Variants in LRP1B observed in about 807,000 individuals in gnomAD.
LRP1B encodes LDL receptor related protein 1B.
LRP1B carries 217 observed loss-of-function variants against 556.6 expected under a neutral mutation model. The ratio of observed to expected loss-of-function variants is 0.39; its 90% confidence interval spans 0.35 to 0.44. LRP1B has a LOEUF of 0.44. Ranked by LOEUF, LRP1B falls within the 20% of genes least tolerant of loss-of-function variation. The pLI is 1.00. For synonymous variants in LRP1B, 2,047 were observed against 1,865.8 expected, an observed-to-expected ratio of 1.10 and a Z score of -2.50; for missense variants, 5,053 against 5,620.8, an observed-to-expected ratio of 0.90 and a Z score of 3.23.
intron 2 of LRP1B, among the ~76,000 whole-genome samples, chr2:141,695,910 A>T (rs1341242427): frequency 6.6e-6 from 1 of 152,006 alleles, no homozygotes; most frequent in Non-Finnish European, 1.5e-5. Flanking sequence ...TTTATGGATG[A>T]AAATTCTGTT....
intron 2 of LRP1B, among the ~76,000 whole-genome samples, chr2:141,543,498 G>T (rs1243751572): frequency 8.4e-6 from 1 of 119,358 alleles, no homozygotes; most frequent in African/African-American, 3.3e-5. Flanking sequence ...TCCAGCCTGG[G>T]TAAGAAAGCG....
chr2:142,084,868 T>A (rs1420390539), intron 1 of LRP1B, among the ~76,000 whole-genome samples: 1 of 147,700 alleles, frequency 6.8e-6, no homozygotes, highest in African/African-American at 2.5e-5. Flanking sequence ...TACACTGACA[T>A]TAATATATTT....
At chr2:141,667,831 C>T (rs62166532) in intron 2 of LRP1B, among the ~76,000 whole-genome samples, 1 of 152,096 alleles carries the variant, frequency 6.6e-6, no homozygotes, top group Non-Finnish European at 1.5e-5. Flanking sequence ...AGTACCTGCA[C>T]ATGGGAGGCA....
At chr2:140,438,379 T>C (rs72897827) in intron 66 of LRP1B, among the ~76,000 whole-genome samples, 24,064 of 152,160 alleles carry the variant, frequency 0.16, 2,306 homozygotes, top group Non-Finnish European at 0.22. Flanking sequence ...AGAATACTTA[T>C]AGCTTATAGC....
chr2:141,712,212 A>G (rs16846935), intron 2 of LRP1B, among the ~76,000 whole-genome samples: 15,234 of 148,890 alleles, frequency 0.1, 1,492 homozygotes, highest in African/African-American at 0.25. Context: ...ATTGGAACTC[A>G]GAAAATTTGT....
chr2:141,551,406 A>G (rs538945764), intron 2 of LRP1B, among the ~76,000 whole-genome samples: 1 of 152,188 alleles, frequency 6.6e-6, no homozygotes, highest in Non-Finnish European at 1.5e-5. Context: ...AACTAGATTT[A>G]GCTCTTGATT....
chr2:141,976,634 G>A (rs781135519), intron 1 of LRP1B, among the ~76,000 whole-genome samples: 4 of 152,096 alleles, frequency 2.6e-5, no homozygotes, highest in Non-Finnish European at 2.9e-5. Flanking sequence ...TGATTCCCAA[G>A]TATTCACCAT....
intron 3 of LRP1B, among the ~76,000 whole-genome samples, chr2:141,376,331 C>G (rs533456876): frequency 6.6e-6 from 1 of 152,312 alleles, no homozygotes; most frequent in South Asian, 2.1e-4. Context: ...ATGTGGAGCT[C>G]TGGGAGTTTC....
At chr2:141,851,914 TAG>T (rs1228886310) in intron 1 of LRP1B, among the ~76,000 whole-genome samples, 1 of 151,590 alleles carries the variant, frequency 6.6e-6, no homozygotes, top group African/African-American at 2.4e-5. Flanking sequence ...CTTTCTTGAG[TAG>T]AGTTTTCAGA....
At chr2:140,709,022 C>G (rs958860069) in intron 37 of LRP1B, among the ~76,000 whole-genome samples, 31 of 151,992 alleles carry the variant, frequency 2.0e-4, no homozygotes, top group Non-Finnish European at 4.0e-4. Flanking sequence ...AGGTGTTAAA[C>G]TGTCAACCAA....
chr2:140,436,473 T>G (rs538939259), intron 66 of LRP1B, among the ~76,000 whole-genome samples: 1 of 152,264 alleles, frequency 6.6e-6, no homozygotes, highest in Admixed American at 6.5e-5. Flanking sequence ...TGAGAAATAG[T>G]GATTCCACAG....
chr2:140,768,777 T>C (rs1296233170), intron 35 of LRP1B, among the ~76,000 whole-genome samples: 4 of 151,992 alleles, frequency 2.6e-5, no homozygotes, highest in Non-Finnish European at 5.9e-5. Context: ...TGTATAATTG[T>C]TTCTAGTATT....
intron 1 of LRP1B, among the ~76,000 whole-genome samples, chr2:141,888,965 T>C (rs1450566854): frequency 1.3e-5 from 2 of 152,158 alleles, no homozygotes; most frequent in Non-Finnish European, 2.9e-5. Flanking sequence ...GAAGGAAATT[T>C]AAAAATTTAT....
intron 2 of LRP1B, among the ~76,000 whole-genome samples, chr2:141,682,423 T>C (rs538597564): frequency 2.6e-5 from 4 of 151,954 alleles, no homozygotes; most frequent in South Asian, 4.2e-4. Flanking sequence ...ATACTAACAA[T>C]TGGCCTGACA....
chr2:141,811,065 C>A (rs1574387183), intron 1 of LRP1B, among the ~76,000 whole-genome samples: 1 of 151,980 alleles, frequency 6.6e-6, no homozygotes, highest in Non-Finnish European at 1.5e-5. Flanking sequence ...TATTTTCCTT[C>A]CTTTGTTTCA....
At chr2:141,703,194 G>A (rs752317826) in intron 2 of LRP1B, among the ~76,000 whole-genome samples, 1 of 151,154 alleles carries the variant, frequency 6.6e-6, no homozygotes, top group African/African-American at 2.4e-5. Flanking sequence ...TGAATAAGCA[G>A]TTATTTCTAA....
chr2:142,077,837 T>A (rs1705562571), intron 1 of LRP1B, among the ~76,000 whole-genome samples: 2 of 152,132 alleles, frequency 1.3e-5, no homozygotes, highest in African/African-American at 4.8e-5. Flanking sequence ...AGGTCATAGA[T>A]TCTAGAAAAA....
rs183953144 is a variant in LRP1B at position 140,354,441 on chromosome 2, G to A, written c.11531-1369C>T. On this transcript the variant is annotated intron_variant, in intron 75 of 90. Coordinates refer to ENST00000389484, the MANE Select transcript of LRP1B (RefSeq NM_018557.3). ...TGATTGAAATGTAGAGTAAAGAGATGCAGAAAAGTGTATTTCGTTGTTTTT... is the reference window on the plus strand; with the variant it reads ...TGATTGAAATGTAGAGTAAAGAGATACAGAAAAGTGTATTTCGTTGTTTTT... Among the ~76,000 whole-genome samples the A allele has an allele frequency of 1.8e-4, 27 of 152,200 alleles. No homozygotes were observed. In the East Asian group the frequency reaches 5.0e-3, roughly 28 times the overall value.
chr2:141,255,334 G>A (rs74565684), intron 3 of LRP1B, among the ~76,000 whole-genome samples: 241 of 152,100 alleles, frequency 1.6e-3, no homozygotes, highest in African/African-American at 5.3e-3. Flanking sequence ...GAAAATAGGG[G>A]TATAAATAGA....
Sources: gnomAD v4.1 joint callset for allele counts (sites outside exome capture counted in the v4.1 genomes callset) on GRCh38, gnomAD v4.1.1 for gene constraint, MANE v1.5 for transcripts, NCBI Gene and HGNC (gene_info 2026-07-23, HGNC 2026-07-21) for gene names.